Variants in STARD13 observed in about 807,000 individuals in gnomAD.
The protein encoded by STARD13 is stAR-related lipid transfer protein 13.
Under a neutral mutation model 106.4 loss-of-function variants are expected in STARD13, and 62 were observed. The observed-to-expected ratio is 0.58, with a 90% CI of 0.48 to 0.72. The LOEUF is 0.72. Among genes scored for constraint, STARD13 ranks in the 30% least tolerant of loss-of-function variants. The pLI, the probability that STARD13 is intolerant of heterozygous loss-of-function variation, is 0.00. For synonymous variants in STARD13, 565 were observed against 553.0 expected (o/e 1.02, Z -0.31); for missense variants, 1,387 against 1,424.0 (o/e 0.97, Z 0.42).
At chr13:33,255,107 C>CT (rs1385907166) in intron 1 of STARD13, among the ~76,000 whole-genome samples, 7 of 151,156 alleles carry the variant, frequency 4.6e-5, no homozygotes, top group South Asian at 2.1e-4. Context: ...CTCCCCCCCC[C>CT]CTCAGAGGCT....
chr13:33,188,574 C>T (rs564181013), intron 1 of STARD13, among the ~76,000 whole-genome samples: 4 of 152,276 alleles, frequency 2.6e-5, no homozygotes, highest in African/African-American at 9.6e-5. Context: ...TTTTTGTTTT[C>T]ATGGAAACCA....
chr13:33,149,528 C>T (rs1880990389), intron 3 of STARD13, among the ~76,000 whole-genome samples: 1 of 152,214 alleles, frequency 6.6e-6, no homozygotes, highest in Non-Finnish European at 1.5e-5. Flanking sequence ...AAGTCATCAT[C>T]ACTGAAGACA....
At chr13:33,620,187 T>TAC in the STARD13 span, among the ~76,000 whole-genome samples, 1 of 151,816 alleles carries the variant, frequency 6.6e-6, no homozygotes, top group African/African-American at 2.4e-5. Context: ...CAGTAAAGAA[T>TAC]ACAGCAAATT....
chr13:33,283,056 A>C (rs1162881793), intron 1 of STARD13, among the ~76,000 whole-genome samples: 1 of 152,176 alleles, frequency 6.6e-6, no homozygotes, highest in African/African-American at 2.4e-5. Context: ...CAAAGCTTTT[A>C]GTAAAATAAC....
chr13:33,133,073 AG>A (rs1217800055), intron 4 of STARD13, among the ~76,000 whole-genome samples: 1 of 152,200 alleles, frequency 6.6e-6, no homozygotes, highest in African/African-American at 2.4e-5. Context: ...ACAAAAAAAA[AG>A]GATATGACTT....
chr13:33,511,050 C>G, the STARD13 span, among the ~76,000 whole-genome samples: 1 of 152,020 alleles, frequency 6.6e-6, no homozygotes, highest in South Asian at 2.1e-4. Context: ...TGGCTCATGC[C>G]TGTAATCCCA....
At chr13:33,343,606 C>A (rs1485512706) in intron 1 of STARD13, among the ~76,000 whole-genome samples, 1,369 of 70,910 alleles carry the variant, frequency 0.019, 7 homozygotes, top group Middle Eastern at 0.044. Flanking sequence ...AACAAATCTA[C>A]AAATCTAGTA....
intron 8 of STARD13, 168 bp from the exon 9 acceptor site, chr13:33,113,099 G>A: frequency 1.8e-6 from 1 of 561,428 alleles, no homozygotes; most frequent in Non-Finnish European, 3.1e-6. Context: ...AATTGCTGAG[G>A]CCTCGCAGCT....
At chr13:33,218,762 G>C (rs1338060372) in intron 1 of STARD13, among the ~76,000 whole-genome samples, 1 of 152,188 alleles carries the variant, frequency 6.6e-6, no homozygotes, top group Non-Finnish European at 1.5e-5. Flanking sequence ...CTTTCATTCA[G>C]TTGTCTGTGA....
the STARD13 span, among the ~76,000 whole-genome samples, chr13:33,507,225 T>G: frequency 6.6e-6 from 1 of 152,174 alleles, no homozygotes; most frequent in Admixed American, 6.5e-5. Context: ...TCAGTTGCTA[T>G]TAAGTCAGAT....
At chr13:33,469,918 T>C in the STARD13 span, among the ~76,000 whole-genome samples, 2 of 152,122 alleles carry the variant, frequency 1.3e-5, no homozygotes, top group Non-Finnish European at 2.9e-5. Flanking sequence ...ATTTAAATTT[T>C]TTATTATACT....
At chr13:33,523,443 T>G in the STARD13 span, among the ~76,000 whole-genome samples, 1 of 152,156 alleles carries the variant, frequency 6.6e-6, no homozygotes, top group African/African-American at 2.4e-5. Flanking sequence ...TGTAAAATTA[T>G]TATTACCTTT....
At chr13:33,466,739 AAACT>A in the STARD13 span, among the ~76,000 whole-genome samples, 1 of 152,214 alleles carries the variant, frequency 6.6e-6, no homozygotes, top group African/African-American at 2.4e-5. Flanking sequence ...CAAAACAAGG[AAACT>A]AACTTAGAAA....
intron 1 of STARD13, among the ~76,000 whole-genome samples, chr13:33,214,699 TACACACACACAC>T (rs55996131): frequency 1.2e-3 from 177 of 144,146 alleles, no homozygotes; most frequent in African/African-American, 3.5e-3. Context: ...CATGCACACA[TACACACACACAC>T]ACACACACAC....
chr13:33,364,531 G>A, the STARD13 span, among the ~76,000 whole-genome samples: 2 of 152,106 alleles, frequency 1.3e-5, no homozygotes, highest in African/African-American at 4.8e-5. Flanking sequence ...CCCATCTAGG[G>A]GAAAAATACG....
At chr13:33,122,121 C>A (rs961339028) in intron 7 of STARD13, among the ~76,000 whole-genome samples, 8 of 152,124 alleles carry the variant, frequency 5.3e-5, no homozygotes, top group African/African-American at 1.7e-4. Context: ...ACTGGGATTA[C>A]AGGCGTGAGC....
intron 1 of STARD13, among the ~76,000 whole-genome samples, chr13:33,250,469 A>C (rs890158457): frequency 5.3e-5 from 8 of 152,244 alleles, no homozygotes; most frequent in Non-Finnish European, 1.0e-4. Flanking sequence ...AAAGCCCTGC[A>C]GAGAGTTGCA....
the STARD13 span, among the ~76,000 whole-genome samples, chr13:33,377,852 C>T: frequency 1.8e-4 from 28 of 152,076 alleles, no homozygotes; most frequent in African/African-American, 6.5e-4. Flanking sequence ...GTTTTTACAC[C>T]CAGCAGAGGA....
rs1873426764 is a variant in STARD13 at position 33,104,287 on chromosome 13, T to C, written c.*1306A>G. ...CTAAAGGGAGTCAATTCGCTTCATC[T>C]GTACAATAATAAATAAGGTTGGGTC... On this transcript the variant is annotated 3_prime_UTR_variant, in exon 14 of 14. Transcript: ENST00000336934. 6.6e-6 allele frequency: 1 copy of C among 152,282 alleles called. No individual in the cohort carries two copies. Among genetic ancestry groups the C allele is most frequent in the African/African-American group, 2.4e-5 (1 of 41,472 alleles). The allele number at this position is 152,282 out of a possible 1,614,324, so 9.4% of individuals were successfully genotyped here.
Sources: allele counts gnomAD v4.1 joint callset (sites outside exome capture counted in the v4.1 genomes callset), GRCh38; gene constraint gnomAD v4.1.1; transcripts MANE v1.5; gene names NCBI Gene and HGNC (gene_info 2026-07-23, HGNC 2026-07-21).